Variants in PWWP2B observed in about 807,000 individuals in gnomAD.
PWWP2B encodes the protein PWWP domain-containing protein 2B.
Under a neutral mutation model 15.5 loss-of-function variants are expected in PWWP2B, and 9 were observed. That is an observed-to-expected ratio of 0.58 (90% CI 0.35 to 1.02). The LOEUF (loss-of-function observed/expected upper bound fraction) is 1.02. Ranked by LOEUF, PWWP2B falls within the 50% of genes least tolerant of loss-of-function variation. The pLI is 0.02. For missense variants in PWWP2B, 864 were observed against 865.3 expected, an observed-to-expected ratio of 1.00 and a Z score of 0.02; for synonymous variants, 474 against 403.6, an observed-to-expected ratio of 1.17 and a Z score of -2.09.
chr10:132,415,055 G>A (rs1438244064), intron 2 of PWWP2B, among the ~76,000 whole-genome samples: 1 of 152,202 alleles, frequency 6.6e-6, no homozygotes, highest in African/African-American at 2.4e-5. Context: ...CATGCAATAT[G>A]TAATGACAAG....
At chr10:132,416,987 C>G in intron 2 of PWWP2B, 74 bp from the exon 3 acceptor site, 6 of 1,561,126 alleles carry the variant, frequency 3.8e-6, no homozygotes, top group Non-Finnish European at 5.3e-6. Flanking sequence ...TGACCTGCTG[C>G]TCAGACCTTG....
intron 1 of PWWP2B, among the ~76,000 whole-genome samples, chr10:132,398,914 C>A (rs1442408370): frequency 6.6e-6 from 1 of 151,992 alleles, no homozygotes; most frequent in Non-Finnish European, 1.5e-5. Context: ...GTAGAGCAGG[C>A]TCCCCGACCC....
intron 1 of PWWP2B, among the ~76,000 whole-genome samples, chr10:132,404,329 T>C (rs768783569): frequency 2.0e-5 from 3 of 152,110 alleles, no homozygotes; most frequent in Non-Finnish European, 4.4e-5. Context: ...CCTGGGGCCA[T>C]GGACTGAGAT....
intron 1 of PWWP2B, among the ~76,000 whole-genome samples, chr10:132,401,642 C>G (rs1358739716): frequency 6.6e-6 from 1 of 152,268 alleles, no homozygotes; most frequent in Non-Finnish European, 1.5e-5. Context: ...CTCTTCACGT[C>G]CCAGGGTCCA....
chr10:132,397,470 C>T (rs1001294061), intron 1 of PWWP2B, 119 bp downstream of exon 1: 1 of 943,178 alleles, frequency 1.1e-6, no homozygotes, highest in African/African-American at 1.8e-5. Flanking sequence ...CGCCCGCTTT[C>T]GGTTTCTGCC....
intron 2 of PWWP2B, among the ~76,000 whole-genome samples, chr10:132,415,649 A>T (rs1437884079): frequency 9.0e-5 from 13 of 144,816 alleles, no homozygotes; most frequent in African/African-American, 3.6e-4. Context: ...ACCCACTCAC[A>T]CACACATGCA....
intron 1 of PWWP2B, among the ~76,000 whole-genome samples, chr10:132,398,218 G>A (rs1006265460): frequency 2.0e-5 from 3 of 152,258 alleles, no homozygotes; most frequent in Non-Finnish European, 4.4e-5. Context: ...TTTTTGCCTG[G>A]TGACATGAAT....
chr10:132,398,050 C>CCGCG (rs1294036709), intron 1 of PWWP2B, among the ~76,000 whole-genome samples: 2 of 152,182 alleles, frequency 1.3e-5, no homozygotes, highest in Admixed American at 1.3e-4. Context: ...CTCCTGGACA[C>CCGCG]CGCGTCACAT....
At chr10:132,416,504 G>T (rs1447639787) in intron 2 of PWWP2B, among the ~76,000 whole-genome samples, 1 of 152,114 alleles carries the variant, frequency 6.6e-6, no homozygotes, top group Non-Finnish European at 1.5e-5. Flanking sequence ...CTCAGGTGGG[G>T]GGCGATGGAA....
intron 2 of PWWP2B, among the ~76,000 whole-genome samples, chr10:132,411,150 G>C (rs1476560245): frequency 6.6e-6 from 1 of 152,208 alleles, no homozygotes; most frequent in Non-Finnish European, 1.5e-5. Context: ...AAGGCGAGCA[G>C]GGCTGTGCGC....
intron 2 of PWWP2B, among the ~76,000 whole-genome samples, chr10:132,410,616 A>G (rs1443694868): frequency 2.6e-5 from 4 of 152,086 alleles, no homozygotes; most frequent in Non-Finnish European, 5.9e-5. Context: ...TTTGGGAGCC[A>G]TGAGGGCCAA....
At chr10:132,410,630 G>A (rs1372130352) in intron 2 of PWWP2B, among the ~76,000 whole-genome samples, 1 of 152,130 alleles carries the variant, frequency 6.6e-6, no homozygotes, top group Non-Finnish European at 1.5e-5. Context: ...GGGCCAATGG[G>A]GACACCTGGT....
At chr10:132,409,975 G>A (rs572346843) in intron 2 of PWWP2B, among the ~76,000 whole-genome samples, 51 of 152,300 alleles carry the variant, frequency 3.3e-4, no homozygotes, top group South Asian at 1.2e-3. Flanking sequence ...AGGTGGTCAG[G>A]GGGCCCGGTG....
At chr10:132,398,524 A>G (rs1307602118) in intron 1 of PWWP2B, among the ~76,000 whole-genome samples, 3 of 152,176 alleles carry the variant, frequency 2.0e-5, no homozygotes, top group African/African-American at 7.2e-5. Flanking sequence ...CCAGACCTGC[A>G]CCACCTTGCC....
At chr10:132,397,381 C>A in intron 1 of PWWP2B, 30 bp downstream of exon 1, 3 of 1,223,244 alleles carry the variant, frequency 2.5e-6, no homozygotes, top group South Asian at 3.0e-5. Flanking sequence ...GGGACACCCC[C>A]GGGGTCCCCA....
chr10:132,416,960 G>T, intron 2 of PWWP2B, 101 bp from the exon 3 acceptor site: 1 of 1,320,908 alleles, frequency 7.6e-7, no homozygotes. Context: ...GTGAGCCTCA[G>T]GCCCTCCGGG....
rs1355400981 is a variant in PWWP2B, at chr10:132,400,030, AC to A, written c.125+2683del. On this transcript the variant is annotated intron_variant, in intron 1 of 2. Coordinates refer to ENST00000305233, the MANE Select transcript of PWWP2B (RefSeq NM_138499.4). ...CCAGACACCCTGGCCCACACTGAGA[AC>A]CCCAGACACTGCCTGTCCCGGCAGA... is the stretch of plus-strand genomic sequence containing the variant. Among the ~76,000 whole-genome samples, 17 of 152,188 alleles carry A rather than the reference AC, an allele frequency of 1.1e-4. No individual in the cohort carries two copies. In the East Asian group the frequency reaches 3.1e-3, roughly 28 times the overall value.
Position 132,405,733 on chromosome 10 carries a change from T to G in PWWP2B, c.1233T>G (p.Pro411=), listed in dbSNP as rs1177357260. The G allele has an allele frequency of 6.2e-7, 1 of 1,610,044 alleles. No individual in the cohort carries two copies. Among genetic ancestry groups the G allele is most frequent in the Non-Finnish European group, 8.5e-7 (1 of 1,179,868 alleles). ...REGLAFLVSC[P]EGRADCASES... is the part of the protein sequence containing the mutation. ...GCTTGGCTTTTCTCGTCAGCTGCCC[T>G]GAGGGGAGAGCGGACTGTGCCAGTG... Residue 411 remains proline (P), a synonymous_variant, in exon 2 of 3, where the codon CCT becomes CCG. Transcript: ENST00000305233.
chr10:132,399,881 G>C (rs1300111581), intron 1 of PWWP2B, among the ~76,000 whole-genome samples: 1 of 152,222 alleles, frequency 6.6e-6, no homozygotes, highest in Non-Finnish European at 1.5e-5. Context: ...TGCCCCACCA[G>C]AGCCTCCTGG....
Sources: gnomAD v4.1 joint callset for allele counts (sites outside exome capture counted in the v4.1 genomes callset) on GRCh38, gnomAD v4.1.1 for gene constraint, MANE v1.5 for transcripts, NCBI Gene and HGNC (gene_info 2026-07-23, HGNC 2026-07-21) for gene names.